Variants in KIAA0825 observed in about 807,000 individuals in gnomAD.
KIAA0825 encodes uncharacterized protein KIAA0825.
In KIAA0825, 119 loss-of-function variants were observed where a neutral mutation model predicts 147.6. The observed-to-expected ratio is 0.81, with a 90% CI of 0.69 to 0.94. The LOEUF is 0.94. Ranked by LOEUF, KIAA0825 falls within the 40% of genes least tolerant of loss-of-function variation. The probability of loss-of-function intolerance (pLI) is 0.00; values close to 1 mark genes in which losing one functional copy is unlikely to be tolerated. For synonymous variants in KIAA0825, 470 were observed against 518.1 expected, an observed-to-expected ratio of 0.91 and a Z score of 1.26; for missense variants, 1,381 against 1,472.7, an observed-to-expected ratio of 0.94 and a Z score of 1.02.
At chr5:94,409,804 C>A (rs1357112957) in intron 15 of KIAA0825, among the ~76,000 whole-genome samples, 3 of 152,148 alleles carry the variant, frequency 2.0e-5, no homozygotes. Context: ...TACTTTAGAT[C>A]TGCCCTAATA....
intron 1 of KIAA0825, among the ~76,000 whole-genome samples, chr5:94,596,703 C>A (rs555744289): frequency 6.1e-4 from 93 of 152,224 alleles, no homozygotes; most frequent in African/African-American, 2.1e-3. Flanking sequence ...TCTATCAATC[C>A]ATGAGCGTGG....
chr5:94,565,972 T>C (rs1778640903), intron 2 of KIAA0825, among the ~76,000 whole-genome samples: 1 of 152,212 alleles, frequency 6.6e-6, no homozygotes, highest in Non-Finnish European at 1.5e-5. Context: ...TTCTACTGTC[T>C]GCTTCTATCA....
At chr5:94,359,556 A>T (rs1243908657) in intron 20 of KIAA0825, among the ~76,000 whole-genome samples, 1 of 152,198 alleles carries the variant, frequency 6.6e-6, no homozygotes, top group Non-Finnish European at 1.5e-5. Flanking sequence ...CAGGAGTTCA[A>T]GACTAGCCTG....
intron 2 of KIAA0825, chr5:94,568,318 C>G (rs1779142359): frequency 6.4e-6 from 1 of 157,112 alleles, no homozygotes; most frequent in Non-Finnish European, 1.4e-5. Flanking sequence ...ACCTCATCAT[C>G]AAAACCGCAA....
intron 5 of KIAA0825, among the ~76,000 whole-genome samples, chr5:94,511,464 T>C (rs1766462558): frequency 6.6e-6 from 1 of 151,904 alleles, no homozygotes; most frequent in South Asian, 2.1e-4. Context: ...CTACTAAAAA[T>C]ACAAAATTAG....
intron 4 of KIAA0825, among the ~76,000 whole-genome samples, chr5:94,522,543 C>A (rs1018327436): frequency 1.1e-4 from 16 of 151,518 alleles, no homozygotes; most frequent in Non-Finnish European, 2.2e-4. Flanking sequence ...TTCAGTACAT[C>A]TGCCATAATG....
chr5:94,577,889 T>C (rs1345101327), intron 2 of KIAA0825, among the ~76,000 whole-genome samples: 1 of 152,252 alleles, frequency 6.6e-6, no homozygotes, highest in Non-Finnish European at 1.5e-5. Flanking sequence ...GAAGCATGTA[T>C]ATTTAAAATT....
chr5:94,550,348 T>C (rs942432859), intron 2 of KIAA0825, among the ~76,000 whole-genome samples: 9 of 152,164 alleles, frequency 5.9e-5, no homozygotes, highest in Non-Finnish European at 1.0e-4. Flanking sequence ...GCCCCCAAAC[T>C]GAACATAGAT....
intron 3 of KIAA0825, among the ~76,000 whole-genome samples, chr5:94,532,980 C>CTTT (rs1163019137): frequency 2.9e-5 from 4 of 140,114 alleles, no homozygotes; most frequent in South Asian, 4.6e-4. Context: ...CATTCTGTGT[C>CTTT]TTTTTTTTTT....
At chr5:94,182,394 G>A (rs1020665457) in intron 20 of KIAA0825, among the ~76,000 whole-genome samples, 1 of 150,330 alleles carries the variant, frequency 6.7e-6, no homozygotes, top group Non-Finnish European at 1.5e-5. Context: ...TGGGTAGCTG[G>A]GATTACAGGC....
intron 20 of KIAA0825, among the ~76,000 whole-genome samples, chr5:94,338,956 A>G (rs1329315097): frequency 2.6e-5 from 4 of 152,198 alleles, no homozygotes; most frequent in Admixed American, 2.6e-4. Context: ...TATTAAATAA[A>G]TAAATACTAT....
At chr5:94,529,383 T>A (rs1251064215) in intron 3 of KIAA0825, among the ~76,000 whole-genome samples, 2 of 147,392 alleles carry the variant, frequency 1.4e-5, no homozygotes, top group African/African-American at 4.9e-5. Flanking sequence ...ATATCTCATA[T>A]ATGTATATAT....
chr5:94,473,084 T>G (rs1761420536), intron 8 of KIAA0825, among the ~76,000 whole-genome samples: 1 of 152,142 alleles, frequency 6.6e-6, no homozygotes, highest in Non-Finnish European at 1.5e-5. Context: ...TGCCTCAGAT[T>G]CATGGAGCAA....
intron 13 of KIAA0825, among the ~76,000 whole-genome samples, chr5:94,451,714 G>A (rs779619835): frequency 3.3e-5 from 5 of 152,230 alleles, no homozygotes; most frequent in African/African-American, 4.8e-5. Flanking sequence ...AGCAAGCTTG[G>A]AAGTGGAAGT....
At chr5:94,187,277 A>G (rs553896652) in intron 20 of KIAA0825, among the ~76,000 whole-genome samples, 1 of 151,334 alleles carries the variant, frequency 6.6e-6, no homozygotes, top group East Asian at 1.9e-4. Context: ...GAAAACTAGC[A>G]TTTTTTAGCC....
At chr5:94,267,391 C>T (rs1416843791) in intron 20 of KIAA0825, among the ~76,000 whole-genome samples, 2 of 151,814 alleles carry the variant, frequency 1.3e-5, no homozygotes, top group Non-Finnish European at 2.9e-5. Flanking sequence ...TGGTGGTCTT[C>T]CTAAACTCCT....
At chr5:94,344,482 A>G (rs1782775681) in intron 20 of KIAA0825, among the ~76,000 whole-genome samples, 2 of 152,238 alleles carry the variant, frequency 1.3e-5, no homozygotes, top group Admixed American at 1.3e-4. Context: ...AAAATAGTAC[A>G]GCTGCTATGG....
intron 2 of KIAA0825, among the ~76,000 whole-genome samples, chr5:94,580,540 C>T (rs1201515766): frequency 2.7e-5 from 4 of 150,578 alleles, no homozygotes; most frequent in African/African-American, 9.9e-5. Flanking sequence ...GATTGGTGTT[C>T]CTGGCTGCTC....
chr5:94,599,885 C>G (rs1477995345), intron 1 of KIAA0825, among the ~76,000 whole-genome samples: 2 of 152,080 alleles, frequency 1.3e-5, no homozygotes, highest in African/African-American at 4.8e-5. Context: ...TAGGTTTTAG[C>G]AAGTTTACTA....
Sources: allele counts gnomAD v4.1 joint callset (sites outside exome capture counted in the v4.1 genomes callset), GRCh38; gene constraint gnomAD v4.1.1; transcripts MANE v1.5; gene names NCBI Gene and HGNC (gene_info 2026-07-23, HGNC 2026-07-21).